The following DPP10 variants were observed in gnomAD, a reference collection of about 807,000 sequenced individuals.
DPP10 encodes the protein dipeptidyl peptidase like 10.
DPP10 carries 33 observed loss-of-function variants against 120.9 expected under a neutral mutation model. The observed-to-expected ratio is 0.27, with a 90% CI of 0.21 to 0.37. The LOEUF (loss-of-function observed/expected upper bound fraction) is 0.37. DPP10 is among the 10% of genes least tolerant of loss of function. DPP10 has a pLI of 1.00. For synonymous variants in DPP10, 337 were observed against 326.1 expected, an observed-to-expected ratio of 1.03 and a Z score of -0.36; for missense variants, 816 against 942.8, an observed-to-expected ratio of 0.87 and a Z score of 1.76.
intron 5 of DPP10, among the ~76,000 whole-genome samples, chr2:115,672,969 A>C (rs1308798762): frequency 2.6e-5 from 4 of 151,942 alleles, no homozygotes; most frequent in African/African-American, 9.7e-5. Flanking sequence ...GGCTGGTCTC[A>C]AACTCCTGAC....
At chr2:114,873,573 A>G (rs1485782747) in intron 1 of DPP10, among the ~76,000 whole-genome samples, 1 of 152,142 alleles carries the variant, frequency 6.6e-6, no homozygotes, top group Non-Finnish European at 1.5e-5. Flanking sequence ...AGCAGCTGTC[A>G]TGGCTGCGTG....
intron 5 of DPP10, among the ~76,000 whole-genome samples, chr2:115,620,276 A>G (rs1048590430): frequency 1.3e-5 from 2 of 152,236 alleles, no homozygotes; most frequent in African/African-American, 2.4e-5. Context: ...GCTCAAAAGA[A>G]TGATCTGTTA....
chr2:115,689,977 T>A (rs959656389), intron 7 of DPP10, 56 bp downstream of exon 7: 1 of 1,534,572 alleles, frequency 6.5e-7, no homozygotes, highest in Non-Finnish European at 8.9e-7. Flanking sequence ...TTATGGAAGA[T>A]GTTAACTGAA....
In DPP10 at chr2:115,840,760, T is replaced by C; in HGVS notation, c.2193T>C (p.His731=). 1 of 1,613,744 alleles carries C rather than the reference T, an allele frequency of 6.2e-7. No individual in the cohort carries two copies. The part of the protein sequence containing the change: ...IIHGTADTKV[H]FQHSAELIKH... The stretch of plus-strand genomic sequence containing the variant: ...TTTGATTTCTTGCAGCAAAAGTTCA[T>C]TTCCAACACTCAGCAGAATTAATCA... Residue 731 remains histidine (H), a synonymous_variant, in exon 25 of 26, where the codon CAT becomes CAC. Coordinates refer to ENST00000410059, the MANE Select transcript of DPP10 (RefSeq NM_020868.6).
intron 4 of DPP10, among the ~76,000 whole-genome samples, chr2:115,524,142 A>G (rs905741117): frequency 1.3e-5 from 2 of 152,274 alleles, no homozygotes; most frequent in Admixed American, 1.3e-4. Flanking sequence ...ATTCAATTCA[A>G]TACGGAGACT....
intron 3 of DPP10, among the ~76,000 whole-genome samples, chr2:115,365,677 G>T (rs1381325555): frequency 6.6e-6 from 1 of 151,920 alleles, no homozygotes; most frequent in East Asian, 1.9e-4. Context: ...TTGCCATAAG[G>T]TATTTAAGAT....
intron 2 of DPP10, among the ~76,000 whole-genome samples, chr2:115,330,123 C>T (rs543987064): frequency 2.8e-4 from 43 of 151,630 alleles, no homozygotes; most frequent in African/African-American, 7.0e-4. Context: ...TTTTAATGAT[C>T]GCCATTCTAA....
At chr2:114,662,703 G>T (rs546499299) in intron 1 of DPP10, among the ~76,000 whole-genome samples, 1 of 152,232 alleles carries the variant, frequency 6.6e-6, no homozygotes, top group Non-Finnish European at 1.5e-5. Context: ...AAGCTGTGAG[G>T]CCAAGGTCCA....
At chr2:115,271,600 T>C (rs1574246016) in intron 1 of DPP10, among the ~76,000 whole-genome samples, 1 of 152,180 alleles carries the variant, frequency 6.6e-6, no homozygotes, top group Non-Finnish European at 1.5e-5. Flanking sequence ...CAGATGTCTT[T>C]TGAAAATATT....
At chr2:115,444,452 A>T (rs1417199203) in intron 3 of DPP10, among the ~76,000 whole-genome samples, 6 of 152,228 alleles carry the variant, frequency 3.9e-5, no homozygotes, top group Admixed American at 3.9e-4. Context: ...TCATTGATGA[A>T]TTATGTTATA....
At chr2:115,509,153 G>A (rs1380210545) in intron 4 of DPP10, among the ~76,000 whole-genome samples, 2 of 152,118 alleles carry the variant, frequency 1.3e-5, no homozygotes, top group African/African-American at 4.8e-5. Context: ...TCCCGTTGAA[G>A]TGAGAAAGTA....
At chr2:114,596,430 C>T (rs1226348463) in intron 1 of DPP10, among the ~76,000 whole-genome samples, 2 of 151,950 alleles carry the variant, frequency 1.3e-5, no homozygotes, top group Non-Finnish European at 2.9e-5. Context: ...TTCTAGATTT[C>T]TAGAGGATTT....
chr2:115,024,474 G>C (rs1012725522), intron 1 of DPP10, among the ~76,000 whole-genome samples: 6 of 151,430 alleles, frequency 4.0e-5, no homozygotes, highest in Non-Finnish European at 8.9e-5. Flanking sequence ...TTTAGTGATT[G>C]CTTAGGATTT....
intron 1 of DPP10, among the ~76,000 whole-genome samples, chr2:114,749,358 C>A (rs1184511393): frequency 6.6e-6 from 1 of 152,066 alleles, no homozygotes; most frequent in East Asian, 1.9e-4. Flanking sequence ...GAGTTCCCAG[C>A]CATGTCTTTT....
At chr2:115,419,400 T>C (rs1338824760) in intron 3 of DPP10, among the ~76,000 whole-genome samples, 1 of 152,066 alleles carries the variant, frequency 6.6e-6, no homozygotes, top group Non-Finnish European at 1.5e-5. Context: ...GGAGCAGGCA[T>C]GTCATACAGC....
chr2:114,839,343 A>G (rs946059377), intron 1 of DPP10, among the ~76,000 whole-genome samples: 4 of 152,226 alleles, frequency 2.6e-5, no homozygotes, highest in African/African-American at 9.6e-5. Context: ...AGAAGGTAGT[A>G]TCAGTTTAAG....
At chr2:115,300,447 A>T (rs2105972592) in intron 1 of DPP10, among the ~76,000 whole-genome samples, 1 of 152,202 alleles carries the variant, frequency 6.6e-6, no homozygotes, top group East Asian at 1.9e-4. Flanking sequence ...ATACACACAC[A>T]GGCATACACA....
At chr2:114,981,418 A>T (rs1700083505) in intron 1 of DPP10, among the ~76,000 whole-genome samples, 1 of 152,258 alleles carries the variant, frequency 6.6e-6, no homozygotes, top group South Asian at 2.1e-4. Context: ...TCTAGTTACA[A>T]TACTTTTTTA....
At chr2:115,010,558 A>G (rs1012973464) in intron 1 of DPP10, among the ~76,000 whole-genome samples, 4 of 152,336 alleles carry the variant, frequency 2.6e-5, no homozygotes, top group East Asian at 1.9e-4. Context: ...GTATATATAT[A>G]TAATCTGTAG....
Sources: allele counts gnomAD v4.1 joint callset (sites outside exome capture counted in the v4.1 genomes callset), GRCh38; gene constraint gnomAD v4.1.1; transcripts MANE v1.5; gene names NCBI Gene and HGNC (gene_info 2026-07-23, HGNC 2026-07-21).